Variants in ACOXL observed in about 807,000 individuals in gnomAD.
ACOXL encodes the protein acyl-CoA oxidase like.
In ACOXL, 70 loss-of-function variants were observed where a neutral mutation model predicts 71.9. That is an observed-to-expected ratio of 0.97 (90% confidence interval 0.80 to 1.19). ACOXL has a LOEUF of 1.19. Ranked by LOEUF, ACOXL falls within the 50% of genes most tolerant of loss-of-function variation. The pLI is 0.00. For missense variants in ACOXL, 703 were observed against 736.3 expected (o/e 0.95, Z 0.52); for synonymous variants, 253 against 281.6 (o/e 0.90, Z 1.02).
chr2:111,031,140 A>G (rs989626935), intron 14 of ACOXL, among the ~76,000 whole-genome samples: 1 of 152,234 alleles, frequency 6.6e-6, no homozygotes, highest in African/African-American at 2.4e-5. Context: ...TTCCTCACAT[A>G]TATCAAACAT....
intron 12 of ACOXL, chr2:110,963,628 A>G: frequency 6.2e-7 from 1 of 1,613,522 alleles, no homozygotes; most frequent in Non-Finnish European, 8.5e-7. Flanking sequence ...CAACAGGGTT[A>G]CATGATGGAA....
rs1038896984 is a variant in ACOXL at position 111,077,342 on chromosome 2, T to C, written c.1441-15523T>C. On this transcript the variant is annotated intron_variant, in intron 16 of 17. Transcript: ENST00000439055. ...ATGTAGAAACCTTACCACCATAGTG[T>C]TCCTCTCCCCTCTTTCTGTCATATG... Among the ~76,000 whole-genome samples the C allele has an allele frequency of 4.6e-5, 7 of 152,118 alleles. No individual in the cohort carries two copies. The South Asian group carries it at 1.4e-3, about 32-fold the overall frequency.
chr2:110,914,530 G>A (rs1333538009), intron 11 of ACOXL, among the ~76,000 whole-genome samples: 1 of 152,104 alleles, frequency 6.6e-6, no homozygotes, highest in African/African-American at 2.4e-5. Flanking sequence ...GTACTGACCT[G>A]TATTATCACT....
chr2:110,736,045 C>T (rs1366144133), intron 1 of ACOXL, among the ~76,000 whole-genome samples: 1 of 151,994 alleles, frequency 6.6e-6, no homozygotes, highest in African/African-American at 2.4e-5. Flanking sequence ...TCTCTTTGTC[C>T]CCTTCTCTTT....
chr2:110,813,661 A>G (rs77353448), intron 9 of ACOXL, among the ~76,000 whole-genome samples: 2 of 152,168 alleles, frequency 1.3e-5, no homozygotes, highest in Non-Finnish European at 2.9e-5. Flanking sequence ...AGATGCTTGT[A>G]CAGGTTACTG....
intron 12 of ACOXL, among the ~76,000 whole-genome samples, chr2:110,980,306 G>T (rs1008474913): frequency 6.6e-6 from 1 of 152,258 alleles, no homozygotes; most frequent in Non-Finnish European, 1.5e-5. Flanking sequence ...TGATGGTTTG[G>T]TTGCCAGACA....
chr2:110,968,297 C>A, intron 12 of ACOXL: 1 of 1,202,488 alleles, frequency 8.3e-7, no homozygotes, highest in East Asian at 2.3e-5. Context: ...AGAACTACCA[C>A]TGGCAATAAA....
intron 1 of ACOXL, among the ~76,000 whole-genome samples, chr2:110,765,999 C>T (rs1681009691): frequency 6.6e-6 from 1 of 152,148 alleles, no homozygotes; most frequent in Non-Finnish European, 1.5e-5. Flanking sequence ...TTATTCTTTT[C>T]TATAACTTGC....
intron 10 of ACOXL, among the ~76,000 whole-genome samples, chr2:110,851,197 A>G (rs373163820): frequency 2.0e-5 from 3 of 152,178 alleles, no homozygotes; most frequent in Non-Finnish European, 4.4e-5. Context: ...ACACGACTGT[A>G]TATATTTTCC....
chr2:111,115,664 C>A (rs950262922), intron 17 of ACOXL: 1 of 152,168 alleles, frequency 6.6e-6, no homozygotes, highest in Non-Finnish European at 1.5e-5. Context: ...TCCATTGAGA[C>A]AATAATCATT....
chr2:111,016,154 T>G (rs1307109107), intron 14 of ACOXL, among the ~76,000 whole-genome samples: 1 of 151,936 alleles, frequency 6.6e-6, no homozygotes, highest in African/African-American at 2.4e-5. Flanking sequence ...CAGGCTGGTC[T>G]CAAACTCCTG....
At chr2:110,767,498 G>A (rs1182899992) in intron 1 of ACOXL, among the ~76,000 whole-genome samples, 2 of 152,200 alleles carry the variant, frequency 1.3e-5, no homozygotes, top group Non-Finnish European at 1.5e-5. Context: ...CACCTCTTGG[G>A]CAGGCATGGC....
At chr2:110,915,406 AC>A in intron 11 of ACOXL, among the ~76,000 whole-genome samples, 1 of 106,776 alleles carries the variant, frequency 9.4e-6, no homozygotes, top group Non-Finnish European at 2.0e-5. Flanking sequence ...GTGTGTATAT[AC>A]ATATATATAT....
intron 9 of ACOXL, among the ~76,000 whole-genome samples, chr2:110,829,090 C>T (rs976546623): frequency 5.3e-5 from 8 of 152,178 alleles, no homozygotes; most frequent in African/African-American, 1.7e-4. Flanking sequence ...GGATTATAGG[C>T]GTGAGCCACC....
At chr2:110,841,311 G>A (rs184767631) in intron 9 of ACOXL, 60 bp from the exon 10 acceptor site, 1 of 1,311,054 alleles carries the variant, frequency 7.6e-7, no homozygotes, top group African/African-American at 1.5e-5. Context: ...TAATTTTCTT[G>A]TGTGAATTCT....
chr2:110,797,231 C>A (rs548322203), intron 5 of ACOXL, among the ~76,000 whole-genome samples: 19 of 152,300 alleles, frequency 1.2e-4, no homozygotes, highest in African/African-American at 2.9e-4. Flanking sequence ...GAGAACAAAA[C>A]CCCTGCGTTT....
chr2:110,973,650 G>A (rs1318761866), intron 12 of ACOXL, among the ~76,000 whole-genome samples: 1 of 152,198 alleles, frequency 6.6e-6, no homozygotes, highest in Non-Finnish European at 1.5e-5. Flanking sequence ...TAAGACACAA[G>A]TTGAGTGGAC....
intron 9 of ACOXL, among the ~76,000 whole-genome samples, chr2:110,808,957 A>C (rs1284136488): frequency 6.6e-6 from 1 of 152,182 alleles, no homozygotes; most frequent in Non-Finnish European, 1.5e-5. Flanking sequence ...ATAGCAGACA[A>C]ACAGCAAATA....
In ACOXL at chr2:110,780,348, G is replaced by A. The variant is rs112572249; in HGVS notation, c.76-4384G>A. 4.3e-4 allele frequency among the ~76,000 whole-genome samples: 66 copies of A among 152,308 alleles called. 1 individual carries two copies. Among genetic ancestry groups the A allele is most frequent in the African/African-American group, 1.4e-3 (59 of 41,574 alleles). ...AACTAGAACTCTCATTCATTGTTGCGAGGAGTGTAAAATGGTACAACCATT... is the reference window on the plus strand; with the variant it reads ...AACTAGAACTCTCATTCATTGTTGCAAGGAGTGTAAAATGGTACAACCATT... On this transcript the variant is annotated intron_variant, in intron 2 of 17. Coordinates refer to ENST00000439055, the MANE Select transcript of ACOXL (RefSeq NM_001142807.4).
Sources: allele counts gnomAD v4.1 joint callset (sites outside exome capture counted in the v4.1 genomes callset), GRCh38; gene constraint gnomAD v4.1.1; transcripts MANE v1.5; gene names NCBI Gene and HGNC (gene_info 2026-07-23, HGNC 2026-07-21).